The following DNA2 variants were observed in gnomAD, a reference collection of about 807,000 sequenced individuals.
The protein encoded by DNA2 is DNA replication helicase/nuclease 2.
DNA2 carries 101 observed loss-of-function variants against 119.1 expected under a neutral mutation model. That is an observed-to-expected ratio of 0.85 (90% confidence interval 0.72 to 1.00). The LOEUF (loss-of-function observed/expected upper bound fraction) is 1.00. DNA2 is among the 50% of genes least tolerant of loss of function. The probability of loss-of-function intolerance (pLI) is 0.00; values close to 1 mark genes in which losing one functional copy is unlikely to be tolerated. For synonymous variants in DNA2, 366 were observed against 424.4 expected (o/e 0.86, Z 1.69); for missense variants, 1,121 against 1,255.5 (o/e 0.89, Z 1.62).
At chr10:68,417,460 G>A (rs1590044385) in intron 19 of DNA2, among the ~76,000 whole-genome samples, 1 of 144,480 alleles carries the variant, frequency 6.9e-6, no homozygotes, top group East Asian at 2.1e-4. Flanking sequence ...CTCGGGAGTT[G>A]CCCATAAGCC....
intron 17 of DNA2, among the ~76,000 whole-genome samples, chr10:68,421,482 C>G (rs114567011): frequency 6.6e-6 from 1 of 151,992 alleles, no homozygotes; most frequent in Non-Finnish European, 1.5e-5. Flanking sequence ...GGGCCGGGCA[C>G]AGTGGCTCAC....
intron 17 of DNA2, among the ~76,000 whole-genome samples, chr10:68,421,051 G>A (rs1170262383): frequency 3.3e-5 from 5 of 151,526 alleles, no homozygotes; most frequent in Non-Finnish European, 7.4e-5. Context: ...CGATTCTCCT[G>A]CCTCAGCCTC....
Position 68,465,716 on chromosome 10 carries a change from G to T in DNA2, c.538C>A (p.Gln180Lys). Residue 180 changes from glutamine to lysine, a missense_variant, in exon 4 of 21, where the codon CAA (glutamine) becomes AAA (lysine). Physicochemically the swap from Gln to Lys is moderately conservative, Grantham distance 53. Transcript: ENST00000358410. ...TGAATTGTTTGAAAAGCAAGTTCTT[G>T]TAGCTTTTCTGGGGCAAAGCTATTA... ...INNSFAPEKLQELAFQTIQEI... is the reference protein window; with the variant it reads ...INNSFAPEKLKELAFQTIQEI... 6.2e-7 allele frequency: 1 copy of T among 1,607,904 alleles called. No homozygotes were observed. The highest frequency in any genetic ancestry group is 8.5e-7 in the Non-Finnish European group (1 of 1,177,556).
At chr10:68,459,082 A>G in intron 5 of DNA2, 22 bp downstream of exon 5, 1 of 1,566,834 alleles carries the variant, frequency 6.4e-7, no homozygotes, top group East Asian at 2.3e-5. Flanking sequence ...GACTATATAT[A>G]TAAACAAAAT....
At chr10:68,441,398 T>A (rs552209034) in intron 9 of DNA2, among the ~76,000 whole-genome samples, 29 of 152,078 alleles carry the variant, frequency 1.9e-4, no homozygotes, top group Admixed American at 1.1e-3. Context: ...ATTATTTTTT[T>A]AAATGAATCC....
intron 1 of DNA2, among the ~76,000 whole-genome samples, chr10:68,471,498 C>T (rs943443262): frequency 3.9e-5 from 6 of 152,132 alleles, no homozygotes; most frequent in Non-Finnish European, 5.9e-5. Context: ...TTGCAATTTC[C>T]TATTATAAAA....
intron 5 of DNA2, among the ~76,000 whole-genome samples, chr10:68,457,508 C>T (rs1048656069): frequency 6.6e-6 from 1 of 152,138 alleles, no homozygotes; most frequent in Non-Finnish European, 1.5e-5. Flanking sequence ...TTATCCTCCT[C>T]ATTGTTCGGC....
Position 68,422,531 on chromosome 10 carries a change from G to A in DNA2, c.2476C>T (p.Gln826Ter). Residue 826 changes from glutamine (Q) to a stop codon, truncating the protein, a stop_gained, in exon 16 of 21, where the codon CAG (glutamine) becomes TAG (stop). Transcript: ENST00000358410. LOFTEE classifies it high-confidence loss of function. ...TACAAATACCTGTTCATTCTGTACT[G>A]CACGGTTAACTGTACAACAGCACTC... ...NKSAVVQLTV[Q>*]YRMNSKIMSL... is the part of the protein sequence containing the mutation. The A allele has an allele frequency of 6.2e-7, 1 of 1,613,946 alleles. No homozygotes were observed. The highest frequency in any genetic ancestry group is 8.5e-7 in the Non-Finnish European group (1 of 1,179,846).
intron 5 of DNA2, among the ~76,000 whole-genome samples, chr10:68,455,247 A>G (rs2052168454): frequency 6.6e-6 from 1 of 152,062 alleles, no homozygotes; most frequent in South Asian, 2.1e-4. Context: ...CGATAAAATT[A>G]ACTTTCTTAG....
At chr10:68,437,369 C>T in intron 9 of DNA2, 128 bp from the exon 10 acceptor site, 2 of 797,256 alleles carry the variant, frequency 2.5e-6, no homozygotes, top group Non-Finnish European at 3.8e-6. Flanking sequence ...GGTGTGGTGG[C>T]TCACGCCTGT....
chr10:68,458,065 C>A (rs544663883), intron 5 of DNA2, among the ~76,000 whole-genome samples: 1 of 151,564 alleles, frequency 6.6e-6, no homozygotes, highest in East Asian at 1.9e-4. Flanking sequence ...CCCAGCTACT[C>A]AGGAGGCTGA....
chr10:68,444,478 A>T (rs1273986321), intron 8 of DNA2, among the ~76,000 whole-genome samples: 2 of 152,102 alleles, frequency 1.3e-5, no homozygotes, highest in Non-Finnish European at 2.9e-5. Flanking sequence ...TAATCCCAAC[A>T]CTTCGGGAGA....
At chr10:68,470,506 C>G in intron 1 of DNA2, 1 of 407,742 alleles carries the variant, frequency 2.5e-6, no homozygotes, top group South Asian at 1.8e-5. Flanking sequence ...CCCAGCTACT[C>G]AAGAGGCTGA....
At chr10:68,419,961 C>A in intron 17 of DNA2, 69 bp from the exon 18 acceptor site, 1 of 1,267,508 alleles carries the variant, frequency 7.9e-7, no homozygotes, top group Non-Finnish European at 1.1e-6. Context: ...CGCAACTGGC[C>A]ATAAAGACTA....
chr10:68,463,668 CAAA>C (rs1350131594), intron 4 of DNA2, among the ~76,000 whole-genome samples: 7 of 98,570 alleles, frequency 7.1e-5, no homozygotes, highest in Admixed American at 3.5e-4. Flanking sequence ...GACTCCATCT[CAAA>C]AAAAAAAAAA....
chr10:68,426,833 T>A (rs1257730323), intron 14 of DNA2, among the ~76,000 whole-genome samples: 1 of 151,678 alleles, frequency 6.6e-6, no homozygotes, highest in Non-Finnish European at 1.5e-5. Flanking sequence ...AGCAAGACTC[T>A]GTCTCAAAAA....
chr10:68,461,254 T>C (rs915402096), intron 4 of DNA2, among the ~76,000 whole-genome samples: 2 of 152,228 alleles, frequency 1.3e-5, no homozygotes, highest in Non-Finnish European at 2.9e-5. Context: ...ATGAATACAT[T>C]TTTTATCATT....
At position 68,461,824 on chromosome 10, in the gene DNA2, G is replaced by A. The variant is rs1389287245; in HGVS notation, c.588-2589C>T. Among the ~76,000 whole-genome samples, 11 of 106,314 alleles carry A rather than the reference G, an allele frequency of 1.0e-4. No homozygotes were observed. In the East Asian group the frequency reaches 2.5e-3, roughly 24 times the overall value. The allele number at this position is 106,314 out of a possible 152,430, so 69.7% of individuals were successfully genotyped here. ...GCCTGGGAAACAAGAGTGAAACTCC[G>A]TCTCAAAAAAAAAAAAAAAAAAAAA... On this transcript the variant is annotated intron_variant, in intron 4 of 20. Transcript: ENST00000358410.
At chr10:68,440,950 G>A (rs1175724957) in intron 9 of DNA2, among the ~76,000 whole-genome samples, 2 of 152,182 alleles carry the variant, frequency 1.3e-5, no homozygotes, top group Non-Finnish European at 1.5e-5. Flanking sequence ...GGAGGCCAAA[G>A]TGGGAGGATC....
Sources: gnomAD v4.1 joint callset for allele counts (sites outside exome capture counted in the v4.1 genomes callset) on GRCh38, gnomAD v4.1.1 for gene constraint, MANE v1.5 for transcripts, NCBI Gene and HGNC (gene_info 2026-07-23, HGNC 2026-07-21) for gene names.